The following GPRC5B variants were observed in gnomAD, a reference collection of about 807,000 sequenced individuals.
The protein encoded by GPRC5B is G protein-coupled receptor class C group 5 member B.
Under a neutral mutation model 30.1 loss-of-function variants are expected in GPRC5B, and 16 were observed. The ratio of observed to expected loss-of-function variants is 0.53; its 90% CI spans 0.36 to 0.81. The LOEUF is 0.81. GPRC5B is among the 30% of genes least tolerant of loss of function. The pLI is 0.01. For synonymous variants in GPRC5B, 241 were observed against 239.5 expected, an observed-to-expected ratio of 1.01 and a Z score of -0.06; for missense variants, 428 against 544.7, an observed-to-expected ratio of 0.79 and a Z score of 2.13.
intron 1 of GPRC5B, among the ~76,000 whole-genome samples, chr16:19,880,166 A>G (rs1282098718): frequency 6.6e-6 from 1 of 150,498 alleles, no homozygotes; most frequent in Non-Finnish European, 1.5e-5. Context: ...AATAAATAAT[A>G]ATAAAATAAA....
At chr16:19,879,979 C>T (rs943918836) in intron 1 of GPRC5B, among the ~76,000 whole-genome samples, 16 of 148,936 alleles carry the variant, frequency 1.1e-4, no homozygotes, top group Admixed American at 7.4e-4. Context: ...TATAAAAATA[C>T]AAAAATTAGC....
intron 2 of GPRC5B, among the ~76,000 whole-genome samples, chr16:19,866,639 C>A (rs1047077954): frequency 6.6e-6 from 1 of 152,168 alleles, no homozygotes; most frequent in Non-Finnish European, 1.5e-5. Flanking sequence ...CTCGGCCTCC[C>A]AAAGTGCTGG....
chr16:19,865,976 C>T (rs2056663142), intron 2 of GPRC5B, among the ~76,000 whole-genome samples: 1 of 152,178 alleles, frequency 6.6e-6, no homozygotes, highest in South Asian at 2.1e-4. Flanking sequence ...GTCGCCCAGG[C>T]TGGAGTGCGG....
upstream of GPRC5B, chr16:19,885,277 C>G (rs1238308731): frequency 7.8e-7 from 1 of 1,280,972 alleles, no homozygotes; most frequent in Non-Finnish European, 1.0e-6. The surrounding 1 kb of genome is among the most constrained non-coding windows in gnomAD (Gnocchi z 5.3). Context: ...AAGGGGGGTT[C>G]ATAAGCAGTA....
chr16:19,862,016 A>AC (rs1567206821), intron 2 of GPRC5B, 43 bp from the exon 3 acceptor site: 1 of 1,609,760 alleles, frequency 6.2e-7, no homozygotes, highest in East Asian at 2.2e-5. Context: ...GCCAAAAAAA[A>AC]GACACAATTT....
upstream of GPRC5B, chr16:19,884,991 C>A: frequency 1.6e-6 from 1 of 628,238 alleles, no homozygotes; most frequent in Non-Finnish European, 2.0e-6. Context: ...CCGGCGGTTC[C>A]GCGCGGGGCT....
chr16:19,864,507 T>C (rs556814194), intron 2 of GPRC5B, among the ~76,000 whole-genome samples: 1 of 152,380 alleles, frequency 6.6e-6, no homozygotes, highest in Non-Finnish European at 1.5e-5. Context: ...ATCTGAGGTC[T>C]CACTCAGTGG....
At chr16:19,861,750 C>T in intron 3 of GPRC5B, 87 bp downstream of exon 3, 2 of 1,147,850 alleles carry the variant, frequency 1.7e-6, no homozygotes, top group Non-Finnish European at 2.6e-6. Context: ...GGGCAGCCTC[C>T]ATGGAGGAGT....
intron 1 of GPRC5B, chr16:19,880,839 A>G (rs2056801649): frequency 6.6e-6 from 1 of 152,164 alleles, no homozygotes; most frequent in African/African-American, 2.4e-5. Flanking sequence ...ATTCTAGAAC[A>G]TTCTTACTGG....
chr16:19,864,217 C>T (rs1321159231), intron 2 of GPRC5B, among the ~76,000 whole-genome samples: 4 of 152,184 alleles, frequency 2.6e-5, no homozygotes, highest in Admixed American at 2.0e-4. Flanking sequence ...GCCAGGCTGG[C>T]CTTGCCCCCA....
At chr16:19,880,039 T>C (rs2056792141) in intron 1 of GPRC5B, among the ~76,000 whole-genome samples, 1 of 151,440 alleles carries the variant, frequency 6.6e-6, no homozygotes. Flanking sequence ...GAGGCTAAGG[T>C]GGGAGGATCG....
chr16:19,863,528 C>T (rs528542183), intron 2 of GPRC5B, among the ~76,000 whole-genome samples: 24 of 141,074 alleles, frequency 1.7e-4, no homozygotes, highest in African/African-American at 5.1e-4. Flanking sequence ...ACAAGAGTCT[C>T]GCTCTGTCGC....
rs1004173400 is a variant in GPRC5B at position 19,858,345 on chromosome 16, A to G, written c.*2155T>C. 27 of 448,620 alleles carry G rather than the reference A, an allele frequency of 6.0e-5. No individual in the cohort carries two copies. The South Asian group carries it at 6.9e-4, about 12-fold the overall frequency. 27.8% of individuals were successfully genotyped at this position (448,620 alleles called of 1,614,324 possible). ...AAAGGGGGGAAAAAGGTCTCATTAAATGAGGCTTCCCATGGCTCAAAGATG... is the reference window on the plus strand; with the variant it reads ...AAAGGGGGGAAAAAGGTCTCATTAAGTGAGGCTTCCCATGGCTCAAAGATG... On this transcript the variant is annotated 3_prime_UTR_variant, in exon 4 of 4. Coordinates refer to ENST00000300571, the MANE Select transcript of GPRC5B (RefSeq NM_016235.3).
Position 19,872,872 on chromosome 16 carries a change from TG to T in GPRC5B, c.-1-27del, listed in dbSNP as rs779899218. The T allele has an allele frequency of 7.7e-6, 12 of 1,551,440 alleles. No individual in the cohort carries two copies. The highest frequency in any genetic ancestry group is 3.4e-5 in the Admixed American group (2 of 58,642). On this transcript the variant is annotated intron_variant, in intron 1 of 3. Coordinates refer to ENST00000300571, the MANE Select transcript of GPRC5B (RefSeq NM_016235.3). This position sits in a 1 kb window ranked among gnomAD's most constrained non-coding sequence, Gnocchi z 5.0. ...CTAGAAAAGCCAAGAGGGGAATGGTTGGGGGGAAGGAAAGATGAATTCATTG... is the reference window on the plus strand; with the variant it reads ...CTAGAAAAGCCAAGAGGGGAATGGTTGGGGGAAGGAAAGATGAATTCATTG...
chr16:19,863,334 A>AT (rs1029087924), intron 2 of GPRC5B, among the ~76,000 whole-genome samples: 3 of 149,240 alleles, frequency 2.0e-5, no homozygotes, highest in Admixed American at 6.7e-5. Context: ...ATTTTTTAAT[A>AT]TTTTTTTTTA....
chr16:19,884,388 C>CTCCTTTACCCTCCCAGCTGCCCTTCACCT (rs2056834632), intron 1 of GPRC5B, among the ~76,000 whole-genome samples: 1 of 151,678 alleles, frequency 6.6e-6, no homozygotes, highest in Non-Finnish European at 1.5e-5. Context: ...CACGGCTGGG[C>CTCCTTTACCCTCCCAGCTGCCCTTCACCT]TCCTTTACCC....
rs71375667 is a variant in GPRC5B, at chr16:19,871,281, CA to C, written c.1030+534del. 6.8e-3 allele frequency among the ~76,000 whole-genome samples: 478 copies of C among 70,338 alleles called. 6 individuals are homozygous for C. The highest frequency in any genetic ancestry group is 0.018 in the African/African-American group (296 of 16,674). 46.1% of individuals were successfully genotyped at this position (70,338 alleles called of 152,430 possible). A position where few individuals can be genotyped will look rare whatever the true frequency, so the allele number is the denominator to read the frequency against. ...TGGGCAACAGAACAAGACCCTGTCT[CA>C]AAAAAAAAAAAAAAAAAAGAAAGAA... On this transcript the variant is annotated intron_variant, in intron 2 of 3. Transcript: ENST00000300571.
At chr16:19,871,604 A>G (rs2056719907) in intron 2 of GPRC5B, among the ~76,000 whole-genome samples, 1 of 152,210 alleles carries the variant, frequency 6.6e-6, no homozygotes, top group South Asian at 2.1e-4. Flanking sequence ...CCTGGGTGAC[A>G]AGAGCGAAAA....
At chr16:19,885,220 C>G, upstream of GPRC5B, 1 of 1,288,774 alleles carries the variant, frequency 7.8e-7, no homozygotes, top group Non-Finnish European at 1.0e-6. This position sits in a 1 kb window ranked among gnomAD's most constrained non-coding sequence, Gnocchi z 5.3. Flanking sequence ...GGTATCGCGA[C>G]CCAGGGGTCC....
Sources: allele counts gnomAD v4.1 joint callset (sites outside exome capture counted in the v4.1 genomes callset), GRCh38; gene constraint gnomAD v4.1.1; non-coding constraint Gnocchi (gnomAD v3.1); transcripts MANE v1.5; gene names NCBI Gene and HGNC (gene_info 2026-07-23, HGNC 2026-07-21).